Variants in NEDD4 observed in about 807,000 individuals in gnomAD.
NEDD4 encodes E3 ubiquitin-protein ligase NEDD4.
Under a neutral mutation model 144.9 loss-of-function variants are expected in NEDD4, and 99 were observed. That is an observed-to-expected ratio of 0.68 (90% CI 0.58 to 0.81). The LOEUF is 0.81. Ranked by LOEUF, NEDD4 falls within the 30% of genes least tolerant of loss-of-function variation. The probability of loss-of-function intolerance (pLI) is 0.00; values close to 1 mark genes in which losing one functional copy is unlikely to be tolerated. For synonymous variants in NEDD4, 318 were observed against 350.6 expected, an observed-to-expected ratio of 0.91 and a Z score of 1.04; for missense variants, 985 against 1,065.9, an observed-to-expected ratio of 0.92 and a Z score of 1.06.
intron 5 of NEDD4, among the ~76,000 whole-genome samples, chr15:55,918,585 T>TAA (rs57813475): frequency 6.8e-6 from 1 of 148,080 alleles, no homozygotes; most frequent in Non-Finnish European, 1.5e-5. Context: ...CATACTTTGT[T>TAA]AAAAAAAAAA....
Position 55,980,662 on chromosome 15 carries a change from C to T in NEDD4, c.45+12849G>A, listed in dbSNP as rs146944700. 1.1e-3 allele frequency among the ~76,000 whole-genome samples: 168 copies of T among 152,220 alleles called. 1 individual carries two copies. In the Middle Eastern group the frequency reaches 0.027, roughly 25 times the overall value. On this transcript the variant is annotated intron_variant, in intron 1 of 28. Transcript: ENST00000435532. ...TCTCACAATGATGGCAAATGGAAGC[C>T]CACAGATGATGGCTACACAACAGGT...
At chr15:55,912,044 C>T (rs191436916) in intron 5 of NEDD4, among the ~76,000 whole-genome samples, 38 of 152,276 alleles carry the variant, frequency 2.5e-4, no homozygotes, top group African/African-American at 8.7e-4. Context: ...CTGAAATTAA[C>T]AATTCCTCAG....
chr15:55,834,521 A>G (rs1455943819), intron 24 of NEDD4, among the ~76,000 whole-genome samples: 2 of 127,018 alleles, frequency 1.6e-5, no homozygotes, highest in East Asian at 4.4e-4. Flanking sequence ...GGCCAGACGC[A>G]GTGGCTCATT....
intron 1 of NEDD4, among the ~76,000 whole-genome samples, chr15:55,988,487 T>TAAAAAAAAAAAAAAAAAAAAATAAA (rs56688563): frequency 3.9e-5 from 4 of 101,706 alleles, no homozygotes; most frequent in Admixed American, 1.1e-4. Context: ...AAAAAAAAAT[T>TAAAAAAAAAAAAAAAAAAAAATAAA]AAAAAAAAAA....
At chr15:55,993,241 C>T (rs1387944924) in intron 1 of NEDD4, among the ~76,000 whole-genome samples, 3 of 152,196 alleles carry the variant, frequency 2.0e-5, no homozygotes, top group Non-Finnish European at 4.4e-5. Flanking sequence ...TCAACACTTC[C>T]TGAAGGAAAC....
In NEDD4 at chr15:55,828,305, T is replaced by A. The variant is rs985803119; in HGVS notation, c.*1592A>T. 1.6e-4 allele frequency: 25 copies of A among 152,250 alleles called. No homozygotes were observed. Among genetic ancestry groups the A allele is most frequent in the African/African-American group, 5.5e-4 (23 of 41,538 alleles). The allele number at this position is 152,250 out of a possible 1,614,324, so 9.4% of individuals were successfully genotyped here. ...TCACAGGGTGTGTATATATATATAT[T>A]TAAGAAGATTCGTAACATATATTTA... is the stretch of plus-strand genomic sequence containing the variant. On this transcript the variant is annotated 3_prime_UTR_variant, in exon 29 of 29. Coordinates refer to ENST00000435532, the MANE Select transcript of NEDD4 (RefSeq NM_006154.4).
chr15:55,860,100 A>G (rs1428295947), intron 11 of NEDD4, among the ~76,000 whole-genome samples: 1 of 152,176 alleles, frequency 6.6e-6, no homozygotes, highest in East Asian at 1.9e-4. Context: ...CTACCAAAAC[A>G]CCAATGGTGC....
intron 21 of NEDD4, among the ~76,000 whole-genome samples, chr15:55,839,973 CAAAAA>C (rs1157411288): frequency 1.7e-3 from 21 of 12,078 alleles, no homozygotes; most frequent in Non-Finnish European, 2.0e-3. Context: ...CACTCTGTCT[CAAAAA>C]AAAAAAAAAA....
intron 24 of NEDD4, among the ~76,000 whole-genome samples, chr15:55,835,428 T>TTG (rs1179454501): frequency 7.5e-6 from 1 of 134,112 alleles, no homozygotes; most frequent in African/African-American, 2.8e-5. Context: ...CTGTTTTTTT[T>TTG]TTTTTTTTTT....
chr15:55,944,157 A>C (rs562576374), intron 4 of NEDD4, among the ~76,000 whole-genome samples: 31 of 152,322 alleles, frequency 2.0e-4, no homozygotes, highest in African/African-American at 7.5e-4. Flanking sequence ...TGCAGCCCAC[A>C]GAGGGCAAGC....
At position 55,943,087 on chromosome 15, in the gene NEDD4, C is replaced by G. The variant is rs371145990; in HGVS notation, c.237+8289G>C. Among the ~76,000 whole-genome samples the G allele has an allele frequency of 2.4e-4, 37 of 152,332 alleles. No homozygotes were observed. In the South Asian group the frequency reaches 7.5e-3, roughly 31 times the overall value. ...TTACGGTATCTGGCAGAAGAAATTTCTAAGCAGCAAAGTGTTCAAGAAGTG... is the reference window on the plus strand; with the variant it reads ...TTACGGTATCTGGCAGAAGAAATTTGTAAGCAGCAAAGTGTTCAAGAAGTG... On this transcript the variant is annotated intron_variant, in intron 4 of 28. Transcript: ENST00000435532.
chr15:55,893,636 C>T (rs1328644573), intron 5 of NEDD4, among the ~76,000 whole-genome samples: 3 of 150,734 alleles, frequency 2.0e-5, no homozygotes, highest in East Asian at 3.9e-4. Context: ...ACATGATATT[C>T]GCACATGAGT....
chr15:55,955,845 T>C (rs919581568), intron 2 of NEDD4, among the ~76,000 whole-genome samples: 1 of 148,836 alleles, frequency 6.7e-6, no homozygotes, highest in African/African-American at 2.5e-5. Flanking sequence ...AGGCAGGGTC[T>C]CGCTTTGTCA....
intron 9 of NEDD4, among the ~76,000 whole-genome samples, chr15:55,861,693 T>TA (rs1361194924): frequency 2.6e-5 from 4 of 151,958 alleles, no homozygotes; most frequent in Admixed American, 6.6e-5. Flanking sequence ...AAATTAAAAT[T>TA]AAAAAAAATC....
chr15:55,867,355 T>A (rs2034621258), intron 8 of NEDD4, among the ~76,000 whole-genome samples: 1 of 152,168 alleles, frequency 6.6e-6, no homozygotes, highest in East Asian at 1.9e-4. Context: ...AGGTGCATTC[T>A]GAGGGAATTC....
rs150998865 is a variant in NEDD4 at position 55,940,118 on chromosome 15, A to C, written c.237+11258T>G. Among the ~76,000 whole-genome samples the C allele has an allele frequency of 7.0e-4, 107 of 152,330 alleles. 2 individuals carry two copies. The highest frequency in any genetic ancestry group is 2.4e-3 in the African/African-American group (100 of 41,578). ...GAAATAAGCTAGTCCCAGAAGAACA[A>C]ATACTGACTATCTTACTCACAAAAA... On this transcript the variant is annotated intron_variant, in intron 4 of 28. Coordinates refer to ENST00000435532, the MANE Select transcript of NEDD4 (RefSeq NM_006154.4).
intron 27 of NEDD4, 31 bp downstream of exon 27, chr15:55,832,977 A>T: frequency 2.0e-6 from 3 of 1,479,624 alleles, no homozygotes; most frequent in Non-Finnish European, 1.9e-6. Context: ...GCATTATTCC[A>T]TTTTTTTAAT....
intron 21 of NEDD4, among the ~76,000 whole-genome samples, chr15:55,839,252 C>G (rs2033354778): frequency 1.3e-5 from 2 of 152,038 alleles, no homozygotes; most frequent in African/African-American, 4.8e-5. Context: ...TGGTCTCAAA[C>G]TCCTGACCTC....
intron 5 of NEDD4, among the ~76,000 whole-genome samples, chr15:55,913,744 A>G (rs927124923): frequency 2.6e-5 from 4 of 152,174 alleles, no homozygotes; most frequent in Admixed American, 2.0e-4. Context: ...ATTAAAAAAC[A>G]CATTTAAAAT....
Sources: gnomAD v4.1 joint callset for allele counts (sites outside exome capture counted in the v4.1 genomes callset) on GRCh38, gnomAD v4.1.1 for gene constraint, MANE v1.5 for transcripts, NCBI Gene and HGNC (gene_info 2026-07-23, HGNC 2026-07-21) for gene names.